The following MYO16 variants were observed in gnomAD, a reference collection of about 807,000 sequenced individuals.
MYO16 encodes myosin XVI, also known as unconventional myosin-XVI.
Under a neutral mutation model 205.3 loss-of-function variants are expected in MYO16, and 94 were observed. That is an observed-to-expected ratio of 0.46 (90% CI 0.39 to 0.54). The LOEUF (loss-of-function observed/expected upper bound fraction) is 0.54. Ranked by LOEUF, MYO16 falls within the 20% of genes least tolerant of loss-of-function variation. The pLI, the probability that MYO16 is intolerant of heterozygous loss-of-function variation, is 0.00. For synonymous variants in MYO16, 988 were observed against 954.0 expected, an observed-to-expected ratio of 1.04 and a Z score of -0.66; for missense variants, 2,315 against 2,387.5, an observed-to-expected ratio of 0.97 and a Z score of 0.63.
upstream of MYO16, among the ~76,000 whole-genome samples, chr13:108,595,714 C>T (rs557950718): frequency 1.3e-5 from 2 of 152,074 alleles, no homozygotes; most frequent in Non-Finnish European, 2.9e-5. Flanking sequence ...CTGATCTTCA[C>T]GCCTCCTCTT....
At chr13:108,594,395 G>A (rs1193300654), upstream of MYO16, among the ~76,000 whole-genome samples, 3 of 150,954 alleles carry the variant, frequency 2.0e-5, no homozygotes, top group South Asian at 6.3e-4. Flanking sequence ...CCTGCAGGTC[G>A]CAGGTCGTGG....
At chr13:108,691,942 C>A (rs1204482344) in intron 2 of MYO16, among the ~76,000 whole-genome samples, 1 of 152,128 alleles carries the variant, frequency 6.6e-6, no homozygotes, top group Non-Finnish European at 1.5e-5. Flanking sequence ...GTTTAGAGGT[C>A]ACAACTCAGT....
At chr13:109,130,323 G>C (rs894625707) in intron 31 of MYO16, among the ~76,000 whole-genome samples, 2 of 152,064 alleles carry the variant, frequency 1.3e-5, no homozygotes, top group African/African-American at 2.4e-5. Flanking sequence ...CTTGTCAAAG[G>C]GCAAGTGTAT....
intron 20 of MYO16, among the ~76,000 whole-genome samples, chr13:108,980,491 A>G (rs1884415477): frequency 6.6e-6 from 1 of 152,192 alleles, no homozygotes; most frequent in Non-Finnish European, 1.5e-5. Context: ...AATAAATAAC[A>G]CTGCAGTGCC....
chr13:108,715,219 C>G (rs1883895441), intron 3 of MYO16, among the ~76,000 whole-genome samples: 1 of 152,300 alleles, frequency 6.6e-6, no homozygotes, highest in Non-Finnish European at 1.5e-5. Flanking sequence ...TCCGTGTGCT[C>G]TTGCCGGGTT....
intron 23 of MYO16, among the ~76,000 whole-genome samples, chr13:109,022,542 GTATA>G (rs1195970709): frequency 1.6e-5 from 2 of 125,656 alleles, no homozygotes; most frequent in Non-Finnish European, 3.1e-5. Context: ...ATAAACATAT[GTATA>G]TATTTCTATA....
At chr13:108,974,283 T>C (rs1884170771) in intron 20 of MYO16, among the ~76,000 whole-genome samples, 1 of 152,194 alleles carries the variant, frequency 6.6e-6, no homozygotes, top group South Asian at 2.1e-4. Context: ...ATGTCTCTGA[T>C]TGATACAATC....
chr13:108,529,196 T>G, the MYO16 span, among the ~76,000 whole-genome samples: 1 of 152,192 alleles, frequency 6.6e-6, no homozygotes, highest in African/African-American at 2.4e-5. Flanking sequence ...GCATAAATAT[T>G]TTCTTACGTA....
intron 33 of MYO16, among the ~76,000 whole-genome samples, chr13:109,172,332 C>A (rs1488020792): frequency 6.6e-6 from 1 of 152,192 alleles, no homozygotes; most frequent in East Asian, 1.9e-4. Context: ...CAGAAGTTAC[C>A]TTTGCAAAGA....
chr13:108,516,905 G>A, the MYO16 span, among the ~76,000 whole-genome samples: 3 of 147,240 alleles, frequency 2.0e-5, no homozygotes, highest in African/African-American at 7.9e-5. Flanking sequence ...TTTTTTTTCT[G>A]CCATTTGAGT....
At chr13:109,154,728 G>A (rs1164018947) in intron 32 of MYO16, among the ~76,000 whole-genome samples, 1 of 151,774 alleles carries the variant, frequency 6.6e-6, no homozygotes, top group African/African-American at 2.4e-5. Context: ...TGCTGACACC[G>A]ACCGCGTACT....
In MYO16 at chr13:108,908,987, A is replaced by AAAAAAAAT. The variant is rs1555311598; in HGVS notation, c.1778-1013_1778-1012insAAAATAAA. Among the ~76,000 whole-genome samples, 98 of 148,894 alleles carry AAAAAAAAT rather than the reference A, an allele frequency of 6.6e-4. No individual in the cohort carries two copies. In the East Asian group the frequency reaches 7.2e-3, roughly 11 times the overall value. ...GACTGTGTCTCAAAAAAAATAAAATAAAATAAATAAATAAATAAATAAATA... is the reference window on the plus strand; with the variant it reads ...GACTGTGTCTCAAAAAAAATAAAATAAAAAAAATAAATAAATAAATAAATAAATAAATA... On this transcript the variant is annotated intron_variant, in intron 15 of 34. Coordinates refer to ENST00000457511, the MANE Select transcript of MYO16 (RefSeq NM_001198950.3).
At chr13:108,533,781 T>A in the MYO16 span, among the ~76,000 whole-genome samples, 1 of 152,360 alleles carries the variant, frequency 6.6e-6, no homozygotes, top group Non-Finnish European at 1.5e-5. Flanking sequence ...ATAAATAAAC[T>A]ATTATTAAAT....
chr13:108,796,139 G>C (rs986325422), intron 6 of MYO16, among the ~76,000 whole-genome samples: 1 of 152,166 alleles, frequency 6.6e-6, no homozygotes, highest in Non-Finnish European at 1.5e-5. Context: ...TGAGGACCAC[G>C]GCTATGACTC....
chr13:108,916,562 C>T (rs1003907663), intron 16 of MYO16, among the ~76,000 whole-genome samples: 2 of 152,210 alleles, frequency 1.3e-5, no homozygotes, highest in African/African-American at 4.8e-5. Flanking sequence ...ATTGCCACCT[C>T]TAATGACTAT....
chr13:109,076,196 T>G (rs1434764142), intron 27 of MYO16, among the ~76,000 whole-genome samples: 1 of 152,178 alleles, frequency 6.6e-6, no homozygotes, highest in African/African-American at 2.4e-5. Flanking sequence ...AAGAAAAAGC[T>G]TTTGATGTAT....
intron 7 of MYO16, among the ~76,000 whole-genome samples, chr13:108,812,669 T>C (rs1278209757): frequency 6.6e-6 from 1 of 152,218 alleles, no homozygotes; most frequent in Non-Finnish European, 1.5e-5. Context: ...GGTTGCTATG[T>C]GTCTCCCCAA....
intron 3 of MYO16, among the ~76,000 whole-genome samples, chr13:108,713,724 T>C (rs1177751079): frequency 1.3e-5 from 2 of 152,176 alleles, no homozygotes; most frequent in African/African-American, 4.8e-5. Context: ...TATTATACAG[T>C]CAGCAGAACA....
chr13:108,768,310 A>G (rs1885849295), intron 4 of MYO16, among the ~76,000 whole-genome samples: 1 of 152,188 alleles, frequency 6.6e-6, no homozygotes, highest in South Asian at 2.1e-4. Context: ...GATGAATGCA[A>G]GGTAGTAGAA....
Sources: allele counts gnomAD v4.1 joint callset (sites outside exome capture counted in the v4.1 genomes callset), GRCh38; gene constraint gnomAD v4.1.1; transcripts MANE v1.5; gene names NCBI Gene and HGNC (gene_info 2026-07-23, HGNC 2026-07-21).